The following MMP13 variants were observed in gnomAD, a reference collection of about 807,000 sequenced individuals.
MMP13 encodes the protein matrix metallopeptidase 13, also known as collagenase 3.
A neutral mutation model predicts 52.1 loss-of-function variants in MMP13; 45 were observed. The observed-to-expected ratio is 0.86, with a 90% CI of 0.68 to 1.11. MMP13 has a LOEUF of 1.11. Among genes scored for constraint, MMP13 ranks in the 50% least tolerant of loss-of-function variants. MMP13 has a pLI of 0.00. For missense variants in MMP13, 576 were observed against 583.8 expected, an observed-to-expected ratio of 0.99 and a Z score of 0.14; for synonymous variants, 200 against 204.4, an observed-to-expected ratio of 0.98 and a Z score of 0.18.
chr11:102,953,063 T>C (rs971873448), intron 4 of MMP13, among the ~76,000 whole-genome samples: 12 of 152,092 alleles, frequency 7.9e-5, no homozygotes, highest in African/African-American at 2.9e-4. Context: ...CAATTAGAGG[T>C]CACATAATCT....
At chr11:102,951,501 TTGAG>T (rs1211440368) in intron 5 of MMP13, among the ~76,000 whole-genome samples, 2 of 152,140 alleles carry the variant, frequency 1.3e-5, no homozygotes, top group Non-Finnish European at 2.9e-5. Context: ...TCTTTTCTAT[TTGAG>T]TGGGTAGTTA....
rs1298732926 is a variant in MMP13, at chr11:102,952,750, C to T, written c.638-577G>A. Among the ~76,000 whole-genome samples the T allele has an allele frequency of 6.6e-6, 1 of 152,168 alleles. No homozygotes were observed. The highest frequency in any genetic ancestry group is 1.9e-4 in the East Asian group (1 of 5,200). On this transcript the variant is annotated intron_variant, in intron 4 of 9. Transcript: ENST00000260302. The surrounding 1 kb of genome is among the most constrained non-coding windows in gnomAD (Gnocchi z 4.3). ...GTTCTGGAGAAACAGAAACTCTAGA[C>T]ATGATTAGCCATCTTTTCTCTACTC...
Position 102,949,140 on chromosome 11 carries a change from A to G in MMP13, c.936T>C (p.His312=), listed in dbSNP as rs782445474. The change falls in exon 7 of 10, where the codon CAT becomes CAC. Residue 312 remains histidine, a synonymous_variant. Transcript: ENST00000260302. This position sits in a 1 kb window ranked among gnomAD's most constrained non-coding sequence, Gnocchi z 4.2. ...ACAGCTCCGCATCAACCTGCTGAGG[A>G]TGCAGGCGCCAGAAGAATCTAACAC... The part of the protein sequence containing the change: ...IFKDRFFWRL[H]PQQVDAELFL... 2 of 1,613,720 alleles carry G rather than the reference A, an allele frequency of 1.2e-6. No homozygotes were observed. Among genetic ancestry groups the G allele is most frequent in the South Asian group, 2.2e-5 (2 of 91,078 alleles).
At position 102,950,205 on chromosome 11, in the gene MMP13, G is replaced by A. The variant is rs1359010184; in HGVS notation, c.822C>T (p.Asn274=). Residue 274 remains asparagine (N), a synonymous_variant, in exon 6 of 10, where the codon AAC becomes AAT. Transcript: ENST00000260302. The part of the protein sequence containing the change: ...SLYGPGDEDP[N]PKHPKTPDKC... ...TGTCTGGCGTTTTTGGATGTTTAGG[G>A]TTGGGGTCTTCATCTCCTGGACCTG... The A allele has an allele frequency of 3.7e-6, 6 of 1,613,598 alleles. No homozygotes were observed. The highest frequency in any genetic ancestry group is 5.1e-6 in the Non-Finnish European group (6 of 1,179,670).
intron 8 of MMP13, among the ~76,000 whole-genome samples, chr11:102,947,361 G>C (rs1265138783): frequency 1.3e-5 from 2 of 152,144 alleles, no homozygotes; most frequent in Non-Finnish European, 2.9e-5. Flanking sequence ...TGGATTGCTG[G>C]AAGCCAGGAG....
At chr11:102,948,956 C>A (rs1860561559) in intron 7 of MMP13, 69 bp downstream of exon 7, 1 of 1,585,832 alleles carries the variant, frequency 6.3e-7, no homozygotes, top group African/African-American at 1.3e-5. Flanking sequence ...TTTACTGAAT[C>A]TCTAGTGGCA....
At position 102,950,207 on chromosome 11, in the gene MMP13, T is replaced by G. The variant is rs1565254577; in HGVS notation, c.820A>C (p.Asn274His). The G allele has an allele frequency of 6.2e-7, 1 of 1,613,666 alleles. No individual in the cohort carries two copies. The highest frequency in any genetic ancestry group is 2.2e-5 in the East Asian group (1 of 44,876). ...SLYGPGDEDP[N>H]PKHPKTPDKC... ...TCTGGCGTTTTTGGATGTTTAGGGT[T>G]GGGGTCTTCATCTCCTGGACCTGTA... Residue 274 changes from asparagine to histidine, a missense_variant, in exon 6 of 10, where the codon AAC (asparagine) becomes CAC (histidine). Physicochemically the swap from Asn to His is moderately conservative, Grantham distance 68. Coordinates refer to ENST00000260302, the MANE Select transcript of MMP13 (RefSeq NM_002427.4).
intron 9 of MMP13, among the ~76,000 whole-genome samples, chr11:102,944,946 T>C (rs1342880371): frequency 6.6e-6 from 1 of 150,898 alleles, no homozygotes; most frequent in Admixed American, 6.6e-5. Context: ...ATCAATAATA[T>C]CTCTTTTCAT....
intron 9 of MMP13, chr11:102,945,262 A>G (rs1380031969): frequency 5.6e-6 from 5 of 893,622 alleles, no homozygotes; most frequent in Non-Finnish European, 7.2e-6. Flanking sequence ...AAAAAGGTTG[A>G]GAACATAATT....
intron 8 of MMP13, among the ~76,000 whole-genome samples, chr11:102,946,743 T>C (rs1555016711): frequency 2.0e-5 from 3 of 152,184 alleles, no homozygotes; most frequent in African/African-American, 7.2e-5. Context: ...CTGAACAATA[T>C]ACTTCTTATG....
chr11:102,948,939 T>C, intron 7 of MMP13, 86 bp downstream of exon 7: 3 of 1,539,612 alleles, frequency 1.9e-6, no homozygotes. Flanking sequence ...TTTTCAGTAG[T>C]GATCATTTTA....
intron 8 of MMP13, among the ~76,000 whole-genome samples, chr11:102,946,166 T>G (rs1860503758): frequency 1.3e-5 from 2 of 152,196 alleles, no homozygotes; most frequent in South Asian, 4.1e-4. Flanking sequence ...ACAAAAATAT[T>G]TAAGGTTTAA....
intron 4 of MMP13, among the ~76,000 whole-genome samples, chr11:102,953,093 A>T: frequency 6.6e-6 from 1 of 152,142 alleles, no homozygotes; most frequent in East Asian, 1.9e-4. Flanking sequence ...CTAATTCTTC[A>T]CTGAATGACT....
intron 9 of MMP13, among the ~76,000 whole-genome samples, 154 bp from the exon 10 acceptor site, chr11:102,944,520 T>A (rs1445948760): frequency 4.6e-5 from 7 of 152,040 alleles, no homozygotes; most frequent in African/African-American, 1.7e-4. Flanking sequence ...TTGTTCCTTT[T>A]TAAATTTTTT....
chr11:102,953,722 T>A (rs1461052137), intron 4 of MMP13, among the ~76,000 whole-genome samples: 6 of 152,172 alleles, frequency 3.9e-5, no homozygotes, highest in Non-Finnish European at 1.5e-5. Flanking sequence ...AAACAGAAAT[T>A]TGATTGAACA....
At chr11:102,951,532 A>T (rs1297337551) in intron 5 of MMP13, among the ~76,000 whole-genome samples, 5 of 152,274 alleles carry the variant, frequency 3.3e-5, no homozygotes, top group African/African-American at 1.2e-4. Context: ...GAAAGAAAAA[A>T]TGGGTATGTT....
Position 102,952,213 on chromosome 11 carries a change from C to A in MMP13, c.638-40G>T. Reference sequence around the variant, plus strand: ...AGAAACAATGAGAAAAAAAGGAATTCCAGTGACCAGGTAATGAAAGGAATA... The same window carrying A: ...AGAAACAATGAGAAAAAAAGGAATTACAGTGACCAGGTAATGAAAGGAATA... On this transcript the variant is annotated intron_variant, in intron 4 of 9. Transcript: ENST00000260302. The surrounding 1 kb of genome is among the most constrained non-coding windows in gnomAD (Gnocchi z 4.3). The A allele has an allele frequency of 6.2e-7, 1 of 1,601,196 alleles. No homozygotes were observed. The highest frequency in any genetic ancestry group is 2.2e-5 in the East Asian group (1 of 44,792).
At position 102,955,229 on chromosome 11, in the gene MMP13, A is replaced by G. The variant is rs763943145; in HGVS notation, c.362+23T>C. 5.6e-6 allele frequency: 9 copies of G among 1,612,370 alleles called. No homozygotes were observed. The highest frequency in any genetic ancestry group is 1.6e-4 in the Middle Eastern group (1 of 6,080). On this transcript the variant is annotated intron_variant, in intron 2 of 9. Transcript: ENST00000260302. The surrounding 1 kb of genome is among the most constrained non-coding windows in gnomAD (Gnocchi z 4.9). Reference sequence around the variant, plus strand: ...TACAAGAAAAGGCTAACAAATATGAAAGAAAGATAGCCTATGATTTACCTG... The same window carrying G: ...TACAAGAAAAGGCTAACAAATATGAGAGAAAGATAGCCTATGATTTACCTG...
chr11:102,955,712 T>C lies in MMP13; in HGVS notation c.-7A>G, dbSNP rs1860689418. 2 of 1,613,872 alleles carry C rather than the reference T, an allele frequency of 1.2e-6. No individual in the cohort carries two copies. The highest frequency in any genetic ancestry group is 1.7e-6 in the Non-Finnish European group (2 of 1,179,820). On this transcript the variant is annotated 5_prime_UTR_variant, in exon 1 of 10. Coordinates refer to ENST00000260302, the MANE Select transcript of MMP13 (RefSeq NM_002427.4). This position sits in a 1 kb window ranked among gnomAD's most constrained non-coding sequence, Gnocchi z 4.9. Reference sequence around the variant, plus strand: ...CCAGGACCCCTGGATGCATCTTGAATGGTGATGCCTGGGGACTGTTGTCTT... The same window carrying C: ...CCAGGACCCCTGGATGCATCTTGAACGGTGATGCCTGGGGACTGTTGTCTT...
Sources: allele counts gnomAD v4.1 joint callset (sites outside exome capture counted in the v4.1 genomes callset), GRCh38; gene constraint gnomAD v4.1.1; non-coding constraint Gnocchi (gnomAD v3.1); transcripts MANE v1.5; gene names NCBI Gene and HGNC (gene_info 2026-07-23, HGNC 2026-07-21).